Variants in CLVS1 observed in about 807,000 individuals in gnomAD.
CLVS1 encodes the protein clavesin 1, also known as clavesin-1.
A neutral mutation model predicts 33.1 loss-of-function variants in CLVS1; 10 were observed. That is an observed-to-expected ratio of 0.30 (90% CI 0.19 to 0.51). CLVS1 has a LOEUF of 0.51. Among genes scored for constraint, CLVS1 ranks in the 20% least tolerant of loss-of-function variants. The pLI is 0.97. For missense variants in CLVS1, 343 were observed against 433.4 expected (o/e 0.79, Z 1.85); for synonymous variants, 163 against 166.1 (o/e 0.98, Z 0.14).
chr8:61,416,790 T>C (rs548822371), intron 3 of CLVS1, among the ~76,000 whole-genome samples: 1 of 152,302 alleles, frequency 6.6e-6, no homozygotes, highest in East Asian at 1.9e-4. Context: ...CTGAAGCAGC[T>C]CCACTTTTCT....
chr8:61,251,070 T>C (rs1808935537), intron 2 of CLVS1, among the ~76,000 whole-genome samples: 1 of 152,218 alleles, frequency 6.6e-6, no homozygotes, highest in South Asian at 2.1e-4. Context: ...ATAACTCTTA[T>C]TATTTTCAGA....
At chr8:61,123,397 A>T (rs1805912939) in intron 1 of CLVS1, among the ~76,000 whole-genome samples, 2 of 152,214 alleles carry the variant, frequency 1.3e-5, no homozygotes, top group Admixed American at 1.3e-4. Flanking sequence ...CTCTTTCCTG[A>T]TTTAGAGTAA....
At chr8:61,345,380 A>T (rs886612193) in intron 2 of CLVS1, among the ~76,000 whole-genome samples, 4 of 152,314 alleles carry the variant, frequency 2.6e-5, no homozygotes, top group Non-Finnish European at 4.4e-5. Flanking sequence ...CATTTTCAAT[A>T]TTCAAGAATC....
In CLVS1 at chr8:61,395,224, T is replaced by G. The variant is rs572535475; in HGVS notation, c.630+18445T>G. ...CAGGGACAGAAAGACAAATATCATA[T>G]GAAGTCACATGTGGAAACTCAAAAA... On this transcript the variant is annotated intron_variant, in intron 3 of 5. Transcript: ENST00000325897. 2.0e-5 allele frequency among the ~76,000 whole-genome samples: 3 copies of G among 152,202 alleles called. No homozygotes were observed. In the East Asian group the frequency reaches 5.8e-4, roughly 29 times the overall value.
chr8:61,057,344 G>C (rs1314440041), intron 1 of CLVS1: 2 of 149,688 alleles, frequency 1.3e-5, no homozygotes, highest in African/African-American at 5.0e-5. Context: ...TATTGATTGA[G>C]CCTGGCTAAG....
At chr8:61,354,352 A>T (rs185737588) in intron 2 of CLVS1, among the ~76,000 whole-genome samples, 1 of 152,100 alleles carries the variant, frequency 6.6e-6, no homozygotes, top group Non-Finnish European at 1.5e-5. Flanking sequence ...TGGATTACTC[A>T]TCAAGATTGC....
At chr8:61,089,501 G>A (rs1350129954) in intron 1 of CLVS1, among the ~76,000 whole-genome samples, 1 of 152,150 alleles carries the variant, frequency 6.6e-6, no homozygotes, top group Non-Finnish European at 1.5e-5. Flanking sequence ...CTATAGCTGG[G>A]TCAGTGGATG....
intron 1 of CLVS1, among the ~76,000 whole-genome samples, chr8:61,109,615 GC>G: frequency 6.6e-6 from 1 of 152,278 alleles, no homozygotes; most frequent in Non-Finnish European, 1.5e-5. Context: ...GTTTGCATGT[GC>G]CCTCCAAAAC....
intron 2 of CLVS1, among the ~76,000 whole-genome samples, chr8:61,267,445 C>T (rs1186822094): frequency 1.3e-5 from 2 of 152,152 alleles, no homozygotes; most frequent in Admixed American, 6.5e-5. Context: ...ATACACACAT[C>T]TATATCCGTC....
intron 2 of CLVS1, among the ~76,000 whole-genome samples, chr8:61,207,011 C>A (rs1276946000): frequency 6.6e-6 from 1 of 152,206 alleles, no homozygotes; most frequent in Non-Finnish European, 1.5e-5. Context: ...CCTGGCCCAT[C>A]TCTATCAGTC....
chr8:61,448,689 A>C (rs960717687), intron 3 of CLVS1, among the ~76,000 whole-genome samples: 1 of 151,634 alleles, frequency 6.6e-6, no homozygotes, highest in Non-Finnish European at 1.5e-5. Context: ...CAGCCTGGGC[A>C]ACATAGTGAG....
chr8:61,432,507 T>A (rs1185072288), intron 3 of CLVS1, among the ~76,000 whole-genome samples: 3 of 152,136 alleles, frequency 2.0e-5, no homozygotes, highest in African/African-American at 7.2e-5. Flanking sequence ...GAAGTTCATG[T>A]GAAGATGCTG....
At chr8:61,254,173 G>T (rs1809019114) in intron 2 of CLVS1, among the ~76,000 whole-genome samples, 1 of 152,204 alleles carries the variant, frequency 6.6e-6, no homozygotes, top group African/African-American at 2.4e-5. Context: ...GTTGGAGTTT[G>T]CTGGAGGTCC....
chr8:61,252,620 A>G (rs61377951), intron 2 of CLVS1, among the ~76,000 whole-genome samples: 274 of 152,260 alleles, frequency 1.8e-3, no homozygotes, highest in African/African-American at 6.3e-3. Flanking sequence ...GTGCATATAT[A>G]TTTAGGATAA....
chr8:61,219,748 A>C (rs1422206570), intron 2 of CLVS1, among the ~76,000 whole-genome samples: 1 of 152,212 alleles, frequency 6.6e-6, no homozygotes, highest in Non-Finnish European at 1.5e-5. Context: ...TGGTTGAACT[A>C]ATTTACATTA....
chr8:61,298,049 A>G (rs1373604938), intron 1 of CLVS1, among the ~76,000 whole-genome samples: 7 of 152,152 alleles, frequency 4.6e-5, no homozygotes, highest in Non-Finnish European at 8.8e-5. Flanking sequence ...AGTTTGGATA[A>G]TAAGTTAAAT....
At chr8:61,484,980 C>T (rs1803818908) in intron 5 of CLVS1, among the ~76,000 whole-genome samples, 1 of 152,172 alleles carries the variant, frequency 6.6e-6, no homozygotes, top group Non-Finnish European at 1.5e-5. Flanking sequence ...AGACCTAAAA[C>T]CATAAAAACC....
chr8:61,431,183 G>A (rs1816098429), intron 3 of CLVS1, among the ~76,000 whole-genome samples: 1 of 152,120 alleles, frequency 6.6e-6, no homozygotes, highest in African/African-American at 2.4e-5. Context: ...TCCTCATGTG[G>A]ATTTTCTAGA....
intron 2 of CLVS1, among the ~76,000 whole-genome samples, chr8:61,212,703 C>T (rs1383320593): frequency 1.3e-5 from 2 of 152,162 alleles, no homozygotes; most frequent in African/African-American, 4.8e-5. Flanking sequence ...CTTAAGGCCA[C>T]AGAGCGGGTG....
Sources: allele counts gnomAD v4.1 joint callset (sites outside exome capture counted in the v4.1 genomes callset), GRCh38; gene constraint gnomAD v4.1.1; transcripts MANE v1.5; gene names NCBI Gene and HGNC (gene_info 2026-07-23, HGNC 2026-07-21).